SCN11A: variants seen among roughly 807,000 people sequenced by gnomAD.
The protein encoded by SCN11A is sodium channel protein type 11 subunit alpha.
Under a neutral mutation model 162.2 loss-of-function variants are expected in SCN11A, and 122 were observed. The observed-to-expected ratio is 0.75, with a 90% confidence interval of 0.65 to 0.87. The LOEUF (loss-of-function observed/expected upper bound fraction) is 0.87, where lower values mean the gene tolerates loss of function less well. SCN11A is among the 40% of genes least tolerant of loss of function. SCN11A has a pLI of 0.00. For missense variants in SCN11A, 2,015 were observed against 2,181.6 expected (o/e 0.92, Z 1.52); for synonymous variants, 758 against 751.5 (o/e 1.01, Z -0.14).
At chr3:38,964,879 A>G (rs2066771869) in intron 2 of SCN11A, among the ~76,000 whole-genome samples, 1 of 152,244 alleles carries the variant, frequency 6.6e-6, no homozygotes, top group Non-Finnish European at 1.5e-5. Flanking sequence ...CAAGCTCTCG[A>G]TTACTTTAGG....
At chr3:38,954,151 A>G (rs553767318) in intron 3 of SCN11A, among the ~76,000 whole-genome samples, 15 of 152,362 alleles carry the variant, frequency 9.8e-5, no homozygotes, top group African/African-American at 3.6e-4. Context: ...TCCCACATTC[A>G]TCCAGAGTCA....
At chr3:38,982,412 C>CAGG (rs2030089019) in intron 2 of SCN11A, among the ~76,000 whole-genome samples, 1 of 152,144 alleles carries the variant, frequency 6.6e-6, no homozygotes, top group African/African-American at 2.4e-5. Context: ...CTAAGGCATC[C>CAGG]TTTTTTCTTA....
chr3:38,991,677 T>A (rs1169207275), intron 2 of SCN11A, among the ~76,000 whole-genome samples: 1 of 152,226 alleles, frequency 6.6e-6, no homozygotes, highest in Non-Finnish European at 1.5e-5. Flanking sequence ...GATGTTAAGG[T>A]CAAATGTCAT....
In SCN11A at chr3:39,009,198, T is replaced by A. The variant is rs545639804; in HGVS notation, c.-280+23182A>T. On this transcript the variant is annotated intron_variant, in intron 2 of 29. Transcript: ENST00000302328. ...GTAAAATAATATCATTCTTATTATA[T>A]TTGTTTTGTTTTAGAAAACATAGTT... Among the ~76,000 whole-genome samples the A allele has an allele frequency of 1.4e-4, 21 of 152,188 alleles. No individual in the cohort carries two copies. The East Asian group carries it at 4.0e-3, about 29-fold the overall frequency.
chr3:38,896,805 G>GAT, intron 18 of SCN11A, 40 bp downstream of exon 18: 1 of 1,188,170 alleles, frequency 8.4e-7, no homozygotes, highest in Non-Finnish European at 1.1e-6. Flanking sequence ...AGGCATGTAG[G>GAT]ATCTTTTTTT....
intron 24 of SCN11A, 24 bp downstream of exon 24, chr3:38,872,169 T>C (rs1559498595): frequency 7.5e-7 from 1 of 1,327,530 alleles, no homozygotes; most frequent in Non-Finnish European, 1.1e-6. Context: ...ACTGAACTTC[T>C]ACCCATTCTT....
intron 27 of SCN11A, 47 bp from the exon 28 acceptor site, chr3:38,863,346 T>G (rs77497897): frequency 1.5e-5 from 14 of 957,564 alleles, no homozygotes; most frequent in Non-Finnish European, 2.3e-5. Flanking sequence ...GTTTTTTTTT[T>G]AATCTAGTTC....
intron 11 of SCN11A, among the ~76,000 whole-genome samples, chr3:38,915,434 C>T (rs919930910): frequency 3.1e-4 from 47 of 151,976 alleles, no homozygotes; most frequent in African/African-American, 8.2e-4. Flanking sequence ...TTGATGTGGG[C>T]GTTTAGTGCT....
intron 10 of SCN11A, 62 bp downstream of exon 10, chr3:38,921,014 T>A: frequency 6.8e-7 from 1 of 1,460,362 alleles, no homozygotes; most frequent in Non-Finnish European, 9.6e-7. Flanking sequence ...GCAGGACAAG[T>A]GAGGATAAGG....
intron 2 of SCN11A, among the ~76,000 whole-genome samples, chr3:38,973,525 A>G (rs1335090520): frequency 9.9e-5 from 15 of 152,216 alleles, no homozygotes; most frequent in Admixed American, 9.8e-4. Context: ...AGAAGAGCCT[A>G]GAATGACAGT....
At chr3:38,914,478 A>G (rs1041465582) in intron 11 of SCN11A, among the ~76,000 whole-genome samples, 1 of 152,020 alleles carries the variant, frequency 6.6e-6, no homozygotes, top group African/African-American at 2.4e-5. Flanking sequence ...GATGCCCTTT[A>G]TTTCTTTTTC....
intron 2 of SCN11A, among the ~76,000 whole-genome samples, chr3:38,964,961 T>C (rs548018804): frequency 6.6e-6 from 1 of 152,354 alleles, no homozygotes; most frequent in South Asian, 2.1e-4. Flanking sequence ...CAGATGTCAA[T>C]GGACAACGTT....
At chr3:38,896,725 T>C in intron 18 of SCN11A, 120 bp downstream of exon 18, 1 of 865,494 alleles carries the variant, frequency 1.2e-6, no homozygotes, top group Non-Finnish European at 1.6e-6. Flanking sequence ...TTTCAAATAT[T>C]TATTTGGCAT....
At chr3:38,860,054 C>T (rs899754643) in intron 28 of SCN11A, among the ~76,000 whole-genome samples, 1 of 152,054 alleles carries the variant, frequency 6.6e-6, no homozygotes, top group African/African-American at 2.4e-5. Context: ...TCTGCCTCAA[C>T]CAGTTCTGCC....
At chr3:39,019,513 G>T (rs974437123) in intron 2 of SCN11A, among the ~76,000 whole-genome samples, 3 of 152,184 alleles carry the variant, frequency 2.0e-5, no homozygotes, top group Admixed American at 6.5e-5. Flanking sequence ...CAATGCCATG[G>T]TCTCCATGAA....
intron 7 of SCN11A, among the ~76,000 whole-genome samples, chr3:38,929,131 G>GCGTGCGCGCGCACACACA (rs774058202): frequency 2.4e-4 from 9 of 36,994 alleles, no homozygotes; most frequent in Non-Finnish European, 4.8e-4. Flanking sequence ...CTGGGTCTGT[G>GCGTGCGCGCGCACACACA]CACGCACACA....
chr3:39,041,300 T>C (rs2032044033), intron 1 of SCN11A, among the ~76,000 whole-genome samples: 3 of 152,174 alleles, frequency 2.0e-5, no homozygotes, highest in African/African-American at 4.8e-5. Context: ...AAATAATCAC[T>C]GAAACCCTTC....
In SCN11A at chr3:38,913,284, TAA is replaced by T. The variant is rs35509316; in HGVS notation, c.960-3079_960-3078del. ...TCGTTGGCTGCATGTAAGTCTTCTT[TAA>T]AAAAAAAGTCTATTCATGTCCTTTG... On this transcript the variant is annotated intron_variant, in intron 11 of 29. Coordinates refer to ENST00000302328, the MANE Select transcript of SCN11A (RefSeq NM_001349253.2). Among the ~76,000 whole-genome samples the T allele has an allele frequency of 2.0e-5, 3 of 151,522 alleles. No individual in the cohort carries two copies. The East Asian group carries it at 5.8e-4, about 29-fold the overall frequency.
At chr3:39,020,314 G>A (rs1469986864) in intron 2 of SCN11A, among the ~76,000 whole-genome samples, 2 of 152,198 alleles carry the variant, frequency 1.3e-5, no homozygotes, top group African/African-American at 4.8e-5. Context: ...CAATAGGTGT[G>A]GTCAATGTTG....
Sources: allele counts gnomAD v4.1 joint callset (sites outside exome capture counted in the v4.1 genomes callset), GRCh38; gene constraint gnomAD v4.1.1; transcripts MANE v1.5; gene names NCBI Gene and HGNC (gene_info 2026-07-23, HGNC 2026-07-21).